LUZP2: variants seen among roughly 807,000 people sequenced by gnomAD.
LUZP2 encodes leucine zipper protein 2.
LUZP2 carries 52 observed loss-of-function variants against 51.6 expected under a neutral mutation model. The observed-to-expected ratio is 1.01, with a 90% confidence interval of 0.81 to 1.27. LUZP2 has a LOEUF of 1.27. LUZP2 is among the 50% of genes most tolerant of loss of function. The pLI is 0.00. For missense variants in LUZP2, 436 were observed against 395.4 expected (o/e 1.10, Z -0.87); for synonymous variants, 154 against 137.3 (o/e 1.12, Z -0.85).
At chr11:24,594,929 T>G (rs529545789) in intron 1 of LUZP2, among the ~76,000 whole-genome samples, 2 of 151,666 alleles carry the variant, frequency 1.3e-5, no homozygotes, top group Admixed American at 1.3e-4. Flanking sequence ...CCGGCTAATT[T>G]TTTTGTATTT....
intron 9 of LUZP2, among the ~76,000 whole-genome samples, chr11:24,994,976 T>C (rs1856450463): frequency 6.6e-6 from 1 of 152,214 alleles, no homozygotes; most frequent in Non-Finnish European, 1.5e-5. Flanking sequence ...TATTATACTG[T>C]TATACATTAC....
intron 1 of LUZP2, among the ~76,000 whole-genome samples, chr11:24,513,401 T>G (rs1217602236): frequency 6.8e-6 from 1 of 146,872 alleles, no homozygotes; most frequent in African/African-American, 2.6e-5. Flanking sequence ...ATTTCATTTT[T>G]ACAATCAGCA....
chr11:24,787,946 A>G (rs1849294380), intron 5 of LUZP2, among the ~76,000 whole-genome samples: 1 of 152,044 alleles, frequency 6.6e-6, no homozygotes, highest in Non-Finnish European at 1.5e-5. Flanking sequence ...TTCTTAAAGC[A>G]AGTTTTCCAT....
intron 1 of LUZP2, among the ~76,000 whole-genome samples, chr11:24,668,469 A>G (rs1856289818): frequency 6.6e-6 from 1 of 152,214 alleles, no homozygotes; most frequent in African/African-American, 2.4e-5. Flanking sequence ...GTCTAGAAAC[A>G]TATATTCAGA....
At chr11:24,865,509 T>C (rs1851861863) in intron 5 of LUZP2, among the ~76,000 whole-genome samples, 1 of 152,190 alleles carries the variant, frequency 6.6e-6, no homozygotes, top group African/African-American at 2.4e-5. Context: ...TAAAAATCCC[T>C]GGCTTGCCTA....
At chr11:24,914,063 T>TA (rs1853720944) in intron 6 of LUZP2, among the ~76,000 whole-genome samples, 1 of 152,100 alleles carries the variant, frequency 6.6e-6, no homozygotes, top group African/African-American at 2.4e-5. Context: ...TACCTGGACA[T>TA]ATGTCAAATT....
chr11:24,512,902 G>A (rs890794703), intron 1 of LUZP2, among the ~76,000 whole-genome samples: 1 of 151,874 alleles, frequency 6.6e-6, no homozygotes, highest in Non-Finnish European at 1.5e-5. Context: ...GGCACATGCT[G>A]CCACGCCCAG....
At chr11:24,896,393 C>A (rs1853053472) in intron 5 of LUZP2, among the ~76,000 whole-genome samples, 1 of 152,144 alleles carries the variant, frequency 6.6e-6, no homozygotes, top group Non-Finnish European at 1.5e-5. Flanking sequence ...AGCCAGCCGG[C>A]CGGCGATGCC....
intron 9 of LUZP2, among the ~76,000 whole-genome samples, chr11:25,010,993 C>A (rs1316671533): frequency 6.6e-6 from 1 of 152,100 alleles, no homozygotes; most frequent in African/African-American, 2.4e-5. Context: ...ATCAATTGAG[C>A]GTATCTTTCC....
intron 5 of LUZP2, among the ~76,000 whole-genome samples, chr11:24,798,612 A>G (rs1240770535): frequency 6.6e-6 from 1 of 151,328 alleles, no homozygotes; most frequent in Non-Finnish European, 1.5e-5. Context: ...AGGGACATTT[A>G]GTCTAGAGAT....
At chr11:24,796,880 C>T (rs1401023131) in intron 5 of LUZP2, among the ~76,000 whole-genome samples, 1 of 152,098 alleles carries the variant, frequency 6.6e-6, no homozygotes, top group African/African-American at 2.4e-5. Flanking sequence ...CAGAAACTCT[C>T]TGCATATGCA....
intron 1 of LUZP2, among the ~76,000 whole-genome samples, chr11:24,704,221 C>T (rs1457944128): frequency 6.6e-6 from 1 of 152,068 alleles, no homozygotes; most frequent in Non-Finnish European, 1.5e-5. Flanking sequence ...AGGAAGCAAA[C>T]ATGAAATGGT....
chr11:24,534,298 TAG>T (rs1276458648), intron 1 of LUZP2, among the ~76,000 whole-genome samples: 4 of 151,054 alleles, frequency 2.6e-5, no homozygotes, highest in African/African-American at 9.7e-5. Context: ...TATACATACA[TAG>T]AGAGCACATA....
chr11:24,626,645 C>G (rs183174934), intron 1 of LUZP2, among the ~76,000 whole-genome samples: 1 of 152,150 alleles, frequency 6.6e-6, no homozygotes, highest in African/African-American at 2.4e-5. Context: ...CTAACTGTTA[C>G]TGAACTTCAG....
At chr11:24,665,008 G>A (rs1486860693) in intron 1 of LUZP2, among the ~76,000 whole-genome samples, 1 of 152,144 alleles carries the variant, frequency 6.6e-6, no homozygotes, top group East Asian at 1.9e-4. Context: ...TCCACTGATA[G>A]CTTGCACCAT....
chr11:24,645,076 T>C (rs894792295), intron 1 of LUZP2, among the ~76,000 whole-genome samples: 1 of 152,214 alleles, frequency 6.6e-6, no homozygotes, highest in African/African-American at 2.4e-5. Flanking sequence ...CAATCCTGTT[T>C]ACGTAAAATA....
At chr11:24,847,453 T>C (rs952269596) in intron 5 of LUZP2, among the ~76,000 whole-genome samples, 2 of 152,180 alleles carry the variant, frequency 1.3e-5, no homozygotes, top group South Asian at 2.1e-4. Context: ...TCTAATGTTT[T>C]ATCATGTCCG....
intron 7 of LUZP2, among the ~76,000 whole-genome samples, chr11:24,923,561 G>T (rs1028079778): frequency 6.6e-6 from 1 of 152,192 alleles, no homozygotes; most frequent in African/African-American, 2.4e-5. Context: ...GCTGGGCTTG[G>T]TGGCGCATGC....
At chr11:24,827,917 GA>G (rs1850589535) in intron 5 of LUZP2, among the ~76,000 whole-genome samples, 1 of 152,006 alleles carries the variant, frequency 6.6e-6, no homozygotes, top group South Asian at 2.1e-4. Flanking sequence ...CTAGACAACA[GA>G]AAATTTCCAC....
Sources: gnomAD v4.1 joint callset for allele counts (sites outside exome capture counted in the v4.1 genomes callset) on GRCh38, gnomAD v4.1.1 for gene constraint, MANE v1.5 for transcripts, NCBI Gene and HGNC (gene_info 2026-07-23, HGNC 2026-07-21) for gene names.